SYT9: variants seen among roughly 807,000 people sequenced by gnomAD.
SYT9 encodes the protein synaptotagmin-9.
A neutral mutation model predicts 48.4 loss-of-function variants in SYT9; 22 were observed. The ratio of observed to expected loss-of-function variants is 0.45; its 90% CI spans 0.32 to 0.65. The LOEUF is 0.65. Among genes scored for constraint, SYT9 ranks in the 30% least tolerant of loss-of-function variants. The pLI is 0.03. For synonymous variants in SYT9, 265 were observed against 245.0 expected, an observed-to-expected ratio of 1.08 and a Z score of -0.76; for missense variants, 577 against 622.0, an observed-to-expected ratio of 0.93 and a Z score of 0.77.
In SYT9 at chr11:7,322,856, CCT is replaced by C. The variant is rs997274574; in HGVS notation, c.1044+8916_1044+8917del. On this transcript the variant is annotated intron_variant, in intron 3 of 6. Transcript: ENST00000318881. ...ATACTGAATTTTATATGTATAATTC[CCT>C]GTTTTTAAAAATCATTTTACCACTT... 2.0e-5 allele frequency among the ~76,000 whole-genome samples: 3 copies of C among 152,064 alleles called. 1 individual carries two copies. The South Asian group carries it at 6.2e-4, about 32-fold the overall frequency.
At chr11:7,444,824 G>T (rs1847898624) in intron 6 of SYT9, among the ~76,000 whole-genome samples, 1 of 152,188 alleles carries the variant, frequency 6.6e-6, no homozygotes. Flanking sequence ...AGCAGGATTA[G>T]CACTGGGACT....
At chr11:7,405,891 C>T (rs1457731549) in intron 3 of SYT9, among the ~76,000 whole-genome samples, 1 of 152,010 alleles carries the variant, frequency 6.6e-6, no homozygotes, top group Non-Finnish European at 1.5e-5. Context: ...TCCTTGAGAA[C>T]TTTTTTAAAA....
At chr11:7,380,234 A>G (rs1230618775) in intron 3 of SYT9, among the ~76,000 whole-genome samples, 1 of 152,118 alleles carries the variant, frequency 6.6e-6, no homozygotes, top group Non-Finnish European at 1.5e-5. Context: ...GGATCTAAAA[A>G]TCAAAATACT....
At chr11:7,463,152 G>T (rs1437477058) in intron 6 of SYT9, among the ~76,000 whole-genome samples, 5 of 152,128 alleles carry the variant, frequency 3.3e-5, no homozygotes, top group African/African-American at 1.2e-4. Context: ...AGCCCACCAG[G>T]TCTCATAACA....
chr11:7,330,582 T>C (rs970178422), intron 3 of SYT9, among the ~76,000 whole-genome samples: 3 of 152,220 alleles, frequency 2.0e-5, no homozygotes, highest in African/African-American at 7.2e-5. Context: ...AAAATATTTC[T>C]GTCTATCTAG....
chr11:7,263,031 A>G (rs1469125449), intron 1 of SYT9, among the ~76,000 whole-genome samples: 1 of 152,164 alleles, frequency 6.6e-6, no homozygotes, highest in Non-Finnish European at 1.5e-5. Flanking sequence ...GATTGCTAGA[A>G]TGATATCCTT....
rs1227942503 is a variant in SYT9, at chr11:7,291,016, A to T, written c.146-12023A>T. 2.0e-5 allele frequency among the ~76,000 whole-genome samples: 3 copies of T among 152,158 alleles called. No homozygotes were observed. The East Asian group carries it at 5.8e-4, about 29-fold the overall frequency. On this transcript the variant is annotated intron_variant, in intron 1 of 6. Coordinates refer to ENST00000318881, the MANE Select transcript of SYT9 (RefSeq NM_175733.4). ...CATTGCTATCCACAGGCCTGAAAGA[A>T]CCCAAAAAAAAGAGCTGTGGCTTTT...
rs562070821 is a variant in SYT9, at chr11:7,274,700, C to T, written c.145+22369C>T. Among the ~76,000 whole-genome samples the T allele has an allele frequency of 2.0e-5, 3 of 152,288 alleles. No homozygotes were observed. In the South Asian group the frequency reaches 6.2e-4, roughly 32 times the overall value. On this transcript the variant is annotated intron_variant, in intron 1 of 6. Transcript: ENST00000318881. Reference sequence around the variant, plus strand: ...CCCTTCTCTTCATCACTATGCAGGTCTTCCTTTTCTTCACTTCTCACCCAA... The same window carrying T: ...CCCTTCTCTTCATCACTATGCAGGTTTTCCTTTTCTTCACTTCTCACCCAA...
At position 7,309,516 on chromosome 11, in the gene SYT9, C is replaced by T. The variant is rs78269281; in HGVS notation, c.498-3879C>T. 1.3e-3 allele frequency among the ~76,000 whole-genome samples: 193 copies of T among 152,252 alleles called. 1 individual carries two copies. Among genetic ancestry groups the T allele is most frequent in the African/African-American group, 4.5e-3 (185 of 41,546 alleles). On this transcript the variant is annotated intron_variant, in intron 2 of 6. Transcript: ENST00000318881. ...TGGCTTTGAAATTCTAGACCCTTGCCCTGGGAGCCTCGCATTTACTGCACT... is the reference window on the plus strand; with the variant it reads ...TGGCTTTGAAATTCTAGACCCTTGCTCTGGGAGCCTCGCATTTACTGCACT...
At chr11:7,258,573 T>C (rs751839839) in intron 1 of SYT9, among the ~76,000 whole-genome samples, 1 of 151,910 alleles carries the variant, frequency 6.6e-6, no homozygotes, top group African/African-American at 2.4e-5. Context: ...GAAAAAAAAA[T>C]CTTCTAGGAC....
intron 1 of SYT9, among the ~76,000 whole-genome samples, chr11:7,256,325 A>G (rs1847969276): frequency 6.6e-6 from 1 of 152,166 alleles, no homozygotes. Flanking sequence ...AGCTTGTTAG[A>G]ATTGGAGATC....
At chr11:7,418,751 A>G (rs1847297226) in intron 5 of SYT9, among the ~76,000 whole-genome samples, 1 of 152,234 alleles carries the variant, frequency 6.6e-6, no homozygotes, top group Non-Finnish European at 1.5e-5. Flanking sequence ...TATAGCCTGC[A>G]TTGTAGCCAA....
chr11:7,306,655 G>A (rs772305662), intron 2 of SYT9, among the ~76,000 whole-genome samples: 35 of 151,900 alleles, frequency 2.3e-4, no homozygotes, highest in Non-Finnish European at 4.4e-4. Flanking sequence ...TGTCCTTCTT[G>A]GGACCTTTAC....
Position 7,313,680 on chromosome 11 carries a change from G to A in SYT9, c.783G>A (p.Lys261=). The change falls in exon 3 of 7, where the codon AAG becomes AAA. Residue 261 remains lysine, a synonymous_variant. Transcript: ENST00000318881. ...DFSGTSDPYV[K]IYLLPDRKTK... is the part of the protein sequence containing the mutation. ...CTGGGACTTCAGATCCTTATGTCAA[G>A]ATCTATTTGCTTCCTGATCGGAAAA... is the stretch of plus-strand genomic sequence containing the variant. 6.2e-7 allele frequency: 1 copy of A among 1,614,188 alleles called. No homozygotes were observed. Among genetic ancestry groups the A allele is most frequent in the Non-Finnish European group, 8.5e-7 (1 of 1,180,014 alleles).
chr11:7,403,582 C>A (rs34826579), intron 3 of SYT9, among the ~76,000 whole-genome samples: 2 of 98,906 alleles, frequency 2.0e-5, no homozygotes, highest in African/African-American at 6.9e-5. Flanking sequence ...GAGAGAGAGA[C>A]ACACACATGT....
At chr11:7,363,646 G>T (rs949831087) in intron 3 of SYT9, among the ~76,000 whole-genome samples, 13 of 152,110 alleles carry the variant, frequency 8.5e-5, no homozygotes, top group African/African-American at 3.1e-4. Context: ...TACATTTAAA[G>T]GTCCAATGAA....
intron 3 of SYT9, among the ~76,000 whole-genome samples, chr11:7,369,485 A>G (rs1317277136): frequency 6.6e-6 from 1 of 151,970 alleles, no homozygotes; most frequent in East Asian, 1.9e-4. Context: ...TAGTTTAATT[A>G]TATTCCATTT....
chr11:7,247,929 T>C (rs899013302), upstream of SYT9, among the ~76,000 whole-genome samples: 4 of 152,122 alleles, frequency 2.6e-5, no homozygotes, highest in Non-Finnish European at 4.4e-5. Context: ...GTTGTACCAG[T>C]TTACATTCCC....
At position 7,298,645 on chromosome 11, in the gene SYT9, A is replaced by C. The variant is rs563995415; in HGVS notation, c.146-4394A>C. ...GTTGGCCAGTAATCACCGTCACTCT[A>C]ATACAGGTCCACTTTTTTTTTAATG... is the stretch of plus-strand genomic sequence containing the variant. On this transcript the variant is annotated intron_variant, in intron 1 of 6. Coordinates refer to ENST00000318881, the MANE Select transcript of SYT9 (RefSeq NM_175733.4). Among the ~76,000 whole-genome samples the C allele has an allele frequency of 1.3e-4, 16 of 126,998 alleles. No individual in the cohort carries two copies. The South Asian group carries it at 2.4e-3, about 19-fold the overall frequency. The allele number at this position is 126,998 out of a possible 152,430, so 83.3% of individuals were successfully genotyped here. A position where few individuals can be genotyped will look rare whatever the true frequency, so the allele number is the denominator to read the frequency against.
Sources: allele counts gnomAD v4.1 joint callset (sites outside exome capture counted in the v4.1 genomes callset), GRCh38; gene constraint gnomAD v4.1.1; transcripts MANE v1.5; gene names NCBI Gene and HGNC (gene_info 2026-07-23, HGNC 2026-07-21).